The following ART3 variants were observed in gnomAD, a reference collection of about 807,000 sequenced individuals.
ART3 encodes the protein ecto-ADP-ribosyltransferase 3.
A neutral mutation model predicts 48.5 loss-of-function variants in ART3; 49 were observed. The ratio of observed to expected loss-of-function variants is 1.01; its 90% CI spans 0.80 to 1.28. The LOEUF is 1.28. ART3 is among the 50% of genes most tolerant of loss of function. The pLI is 0.00. For missense variants in ART3, 438 were observed against 454.3 expected (o/e 0.96, Z 0.33); for synonymous variants, 145 against 157.2 (o/e 0.92, Z 0.58).
chr4:76,112,287 C>G, intron 11 of ART3, 99 bp from the exon 12 acceptor site: 1 of 1,411,168 alleles, frequency 7.1e-7, no homozygotes, highest in Non-Finnish European at 9.5e-7. Context: ...TCTACTTCAA[C>G]TTTAGTGTCA....
rs11548618 is a variant in ART3, at chr4:76,022,794, G to A, written c.-10+11474G>A. ...TTACTAATGCTGATGCAGGTACAGC[G>A]TACAGTTCTAGAGAGAGGTACTCCT... On this transcript the variant is annotated intron_variant, in intron 1 of 9. Coordinates refer to the ART3 transcript ENST00000341029. 10,603 of 1,611,508 alleles carry A rather than the reference G, an allele frequency of 6.6e-3. 65 individuals carry two copies. The highest frequency in any genetic ancestry group is 7.7e-3 in the Non-Finnish European group (9,041 of 1,179,714).
intron 3 of ART3, among the ~76,000 whole-genome samples, chr4:76,087,344 A>C (rs1276983882): frequency 1.3e-5 from 2 of 152,148 alleles, no homozygotes; most frequent in East Asian, 3.9e-4. Context: ...GTGTTGATTT[A>C]ACCCTGGGCT....
intron 1 of ART3, among the ~76,000 whole-genome samples, chr4:76,030,990 G>A (rs376067282): frequency 2.6e-5 from 4 of 152,174 alleles, no homozygotes; most frequent in Non-Finnish European, 5.9e-5. Context: ...TATATACCTA[G>A]GAATGGAATT....
chr4:76,103,411 G>C (rs933178153), intron 8 of ART3, among the ~76,000 whole-genome samples: 2 of 152,082 alleles, frequency 1.3e-5, no homozygotes, highest in East Asian at 3.9e-4. Flanking sequence ...TGAGGAATGA[G>C]TTAGACAAGA....
intron 11 of ART3, among the ~76,000 whole-genome samples, chr4:76,109,557 T>C: frequency 6.8e-6 from 1 of 147,900 alleles, no homozygotes; most frequent in Admixed American, 6.7e-5. Flanking sequence ...AGTTGTTTAT[T>C]ATCAAATGTT....
At chr4:76,059,446 G>A (rs1578364840) in intron 1 of ART3, among the ~76,000 whole-genome samples, 1 of 143,302 alleles carries the variant, frequency 7.0e-6, no homozygotes, top group Admixed American at 7.1e-5. Flanking sequence ...ACTATAATAT[G>A]GAATTGAATT....
rs139813823 is a variant in ART3, at chr4:76,022,401, G to T, written c.-10+11081G>T. 1,574 of 1,613,576 alleles carry T rather than the reference G, an allele frequency of 9.8e-4. 17 individuals carry two copies. In the African/African-American group the frequency reaches 0.018, roughly 19 times the overall value. ...TAACTGCTTTCAGTAAATTCTTGAT[G>T]GCCTTCGATTCTGGATTCAGACATC... On this transcript the variant is annotated intron_variant, in intron 1 of 9. Coordinates refer to the ART3 transcript ENST00000341029.
intron 1 of ART3, chr4:76,022,520 C>T (rs1445932068): frequency 2.2e-5 from 33 of 1,534,538 alleles, no homozygotes; most frequent in South Asian, 4.5e-5. Context: ...AGATGGCATA[C>T]GCAGTTCTGA....
chr4:76,111,251 T>C (rs1729420130), intron 11 of ART3, among the ~76,000 whole-genome samples: 1 of 152,150 alleles, frequency 6.6e-6, no homozygotes, highest in Non-Finnish European at 1.5e-5. Flanking sequence ...TCATGTTTGG[T>C]GCAATACCAA....
chr4:76,070,496 C>A (rs551277650), upstream of ART3, among the ~76,000 whole-genome samples: 1 of 152,272 alleles, frequency 6.6e-6, no homozygotes, highest in East Asian at 1.9e-4. Context: ...CAGTTCAGAT[C>A]TTTTGCCCGT....
At chr4:76,093,437 C>T (rs1413944278) in intron 3 of ART3, among the ~76,000 whole-genome samples, 3 of 151,960 alleles carry the variant, frequency 2.0e-5, no homozygotes, top group Non-Finnish European at 4.4e-5. Context: ...GACCCCATCT[C>T]AAAAAAGAAA....
chr4:76,077,608 T>TTATA lies in ART3; in HGVS notation c.69+1655_69+1658dup, dbSNP rs539264845. On this transcript the variant is annotated intron_variant, in intron 2 of 11. Coordinates refer to ENST00000355810, the MANE Select transcript of ART3 (RefSeq NM_001130016.3). ...GGTAGCATTACAGAGTAAAGTTTAC[T>TTATA]TATATATAGGAAATATATATGTAAG... 1.4e-4 allele frequency among the ~76,000 whole-genome samples: 21 copies of TTATA among 152,354 alleles called. No individual in the cohort carries two copies. In the East Asian group the frequency reaches 1.7e-3, roughly 13 times the overall value.
rs565847114 is a variant in ART3, at chr4:76,033,142, T to G, written c.-10+21822T>G. 1.4e-3 allele frequency among the ~76,000 whole-genome samples: 212 copies of G among 152,236 alleles called. 1 individual carries two copies. The highest frequency in any genetic ancestry group is 6.8e-3 in the Middle Eastern group (2 of 294). On this transcript the variant is annotated intron_variant, in intron 1 of 9. Coordinates refer to the ART3 transcript ENST00000341029. Reference sequence around the variant, plus strand: ...TGCAGAGAAACCAACTCTGGCTATCTTAAGGAGAAAAAGAATTTAGTTGGA... The same window carrying G: ...TGCAGAGAAACCAACTCTGGCTATCGTAAGGAGAAAAAGAATTTAGTTGGA...
chr4:76,110,441 A>G (rs148556102), intron 11 of ART3, among the ~76,000 whole-genome samples: 5 of 152,336 alleles, frequency 3.3e-5, no homozygotes, highest in Non-Finnish European at 5.9e-5. Flanking sequence ...CAGGGGTTCT[A>G]GAACCAGTCC....
chr4:76,109,178 C>T (rs551461894), intron 11 of ART3, among the ~76,000 whole-genome samples: 5 of 152,306 alleles, frequency 3.3e-5, no homozygotes, highest in South Asian at 4.1e-4. Flanking sequence ...TAGCTTAAAA[C>T]ACACATTGTA....
intron 5 of ART3, 56 bp from the exon 6 acceptor site, chr4:76,100,235 C>G: frequency 6.5e-7 from 1 of 1,549,780 alleles, no homozygotes; most frequent in Non-Finnish European, 8.9e-7. Flanking sequence ...GCAATAGTAA[C>G]TGCCAGTTCT....
intron 1 of ART3, among the ~76,000 whole-genome samples, chr4:76,052,798 C>T (rs1370225440): frequency 1.3e-5 from 2 of 151,062 alleles, no homozygotes; most frequent in Non-Finnish European, 2.9e-5. Context: ...TGCTGCAACC[C>T]CTGCCTCCCA....
chr4:76,067,669 A>G (rs1719876769), intron 1 of ART3, among the ~76,000 whole-genome samples: 1 of 152,256 alleles, frequency 6.6e-6, no homozygotes, highest in Non-Finnish European at 1.5e-5. Context: ...ACCCCCATGT[A>G]AAACACTAAT....
At chr4:76,097,588 A>G in intron 3 of ART3, 56 bp from the exon 4 acceptor site, 1 of 1,412,766 alleles carries the variant, frequency 7.1e-7, no homozygotes, top group African/African-American at 1.4e-5. Flanking sequence ...GATTAATTGA[A>G]ATATTTACTA....
Sources: allele counts gnomAD v4.1 joint callset (sites outside exome capture counted in the v4.1 genomes callset), GRCh38; gene constraint gnomAD v4.1.1; transcripts MANE v1.5; gene names NCBI Gene and HGNC (gene_info 2026-07-23, HGNC 2026-07-21).